The following FRMD3 variants were observed in gnomAD, a reference collection of about 807,000 sequenced individuals.
The protein encoded by FRMD3 is FERM domain-containing protein 3.
A neutral mutation model predicts 70.2 loss-of-function variants in FRMD3; 33 were observed. The observed-to-expected ratio is 0.47, with a 90% CI of 0.36 to 0.63. The LOEUF is 0.63. Among genes scored for constraint, FRMD3 ranks in the 20% least tolerant of loss-of-function variants. FRMD3 has a pLI of 0.00. For synonymous variants in FRMD3, 279 were observed against 255.9 expected (o/e 1.09, Z -0.86); for missense variants, 632 against 711.4 (o/e 0.89, Z 1.27).
chr9:83,479,879 T>A (rs1408669726), intron 1 of FRMD3, among the ~76,000 whole-genome samples: 1 of 151,540 alleles, frequency 6.6e-6, no homozygotes, highest in African/African-American at 2.4e-5. Context: ...AAAATGTAAG[T>A]CAAGGCCACA....
chr9:83,565,306 C>A, the FRMD3 span, among the ~76,000 whole-genome samples: 1 of 152,096 alleles, frequency 6.6e-6, no homozygotes, highest in Non-Finnish European at 1.5e-5. Flanking sequence ...ATCTCAAGCA[C>A]GTAAGACTTA....
At chr9:83,327,889 C>T (rs1836082513) in intron 6 of FRMD3, among the ~76,000 whole-genome samples, 1 of 152,152 alleles carries the variant, frequency 6.6e-6, no homozygotes, top group Admixed American at 6.5e-5. Context: ...CCCAGTCTGT[C>T]ATTTCCAATC....
intron 2 of FRMD3, among the ~76,000 whole-genome samples, chr9:83,376,935 GCACCC>G (rs1825166718): frequency 6.9e-6 from 1 of 143,980 alleles, no homozygotes; most frequent in Non-Finnish European, 1.5e-5. Context: ...TGCCCAACCG[GCACCC>G]GTTATTAAGA....
At chr9:83,285,314 T>C (rs1264625180) in intron 13 of FRMD3, among the ~76,000 whole-genome samples, 1 of 152,198 alleles carries the variant, frequency 6.6e-6, no homozygotes, top group East Asian at 1.9e-4. Flanking sequence ...GAGTTAGTTT[T>C]ACCATTCTCT....
chr9:83,313,855 C>A (rs1255653275), intron 6 of FRMD3, 108 bp from the exon 7 acceptor site: 1 of 807,408 alleles, frequency 1.2e-6, no homozygotes, highest in East Asian at 2.5e-5. Context: ...AAGAGAAAAA[C>A]CCTTACATAA....
intron 1 of FRMD3, among the ~76,000 whole-genome samples, chr9:83,531,846 C>A (rs1258288591): frequency 6.6e-6 from 1 of 152,178 alleles, no homozygotes. Flanking sequence ...GCCATCTCAA[C>A]AACACAGTGG....
chr9:83,365,782 G>A (rs1824765830), intron 3 of FRMD3, among the ~76,000 whole-genome samples: 1 of 152,188 alleles, frequency 6.6e-6, no homozygotes, highest in Non-Finnish European at 1.5e-5. Context: ...GGTGTGTTTA[G>A]GCAGAGAGGA....
chr9:83,403,411 G>A (rs1011477811), intron 1 of FRMD3, among the ~76,000 whole-genome samples: 1 of 152,154 alleles, frequency 6.6e-6, no homozygotes, highest in Non-Finnish European at 1.5e-5. Flanking sequence ...GCTTGAAACT[G>A]CTGGGATAAT....
intron 1 of FRMD3, among the ~76,000 whole-genome samples, chr9:83,492,006 C>T (rs1203607039): frequency 6.6e-6 from 1 of 152,176 alleles, no homozygotes; most frequent in Non-Finnish European, 1.5e-5. Context: ...TTGTTATCTA[C>T]TCTTGTCTTT....
intron 1 of FRMD3, among the ~76,000 whole-genome samples, chr9:83,489,387 G>A (rs12352407): frequency 0.15 from 23,298 of 151,996 alleles, 2,062 homozygotes; most frequent in East Asian, 0.33. Context: ...TGGAATCTAT[G>A]AGGAACTTAA....
intron 1 of FRMD3, among the ~76,000 whole-genome samples, chr9:83,474,035 G>A (rs1471586137): frequency 6.6e-6 from 1 of 151,988 alleles, no homozygotes; most frequent in Non-Finnish European, 1.5e-5. Context: ...TGAGAAAAGG[G>A]GACACAAAAC....
chr9:83,283,391 C>A lies in FRMD3; in HGVS notation c.1195+7212G>T, dbSNP rs899484956. On this transcript the variant is annotated intron_variant, in intron 13 of 13. Coordinates refer to ENST00000304195, the MANE Select transcript of FRMD3 (RefSeq NM_174938.6). Reference sequence around the variant, plus strand: ...AAAAAATACAAAAAAATTAGCCAGGCGTGGTGGCGGGTGACTGTAATCCCA... The same window carrying A: ...AAAAAATACAAAAAAATTAGCCAGGAGTGGTGGCGGGTGACTGTAATCCCA... Among the ~76,000 whole-genome samples the A allele has an allele frequency of 3.8e-4, 57 of 151,846 alleles. 1 individual carries two copies. The highest frequency in any genetic ancestry group is 2.9e-5 in the Non-Finnish European group (2 of 67,964).
At chr9:83,366,423 G>C (rs947518950) in intron 3 of FRMD3, among the ~76,000 whole-genome samples, 1 of 151,930 alleles carries the variant, frequency 6.6e-6, no homozygotes, top group Non-Finnish European at 1.5e-5. Flanking sequence ...ATACAAAAAA[G>C]TTATCCAGGC....
At chr9:83,508,985 A>C (rs1587497010) in intron 1 of FRMD3, among the ~76,000 whole-genome samples, 1 of 143,466 alleles carries the variant, frequency 7.0e-6, no homozygotes, top group African/African-American at 2.6e-5. Flanking sequence ...AACTGGAATC[A>C]CCCCCAATGC....
At chr9:83,442,984 T>G (rs1436426631) in intron 1 of FRMD3, among the ~76,000 whole-genome samples, 1 of 152,218 alleles carries the variant, frequency 6.6e-6, no homozygotes, top group Non-Finnish European at 1.5e-5. Flanking sequence ...TATGGAGATA[T>G]GAATGTCAAC....
chr9:83,546,889 T>TGAAAAAAAAAAAAA, the FRMD3 span, among the ~76,000 whole-genome samples: 1 of 7,514 alleles, frequency 1.3e-4, no homozygotes, highest in African/African-American at 3.0e-4. Context: ...AGACTCTGTC[T>TGAAAAAAAAAAAAA]CAAAAAAAAA....
At chr9:83,311,800 C>T (rs1274127868) in intron 8 of FRMD3, 87 bp downstream of exon 8, 22 of 909,576 alleles carry the variant, frequency 2.4e-5, no homozygotes, top group Non-Finnish European at 3.8e-5. Flanking sequence ...AGGCATTCTA[C>T]CTGACACTTG....
rs563311228 is a variant in FRMD3 at position 83,399,752 on chromosome 9, GAAAT to G, written c.148-10048_148-10045del. 2.2e-3 allele frequency among the ~76,000 whole-genome samples: 333 copies of G among 152,182 alleles called. 3 individuals are homozygous for G. The highest frequency in any genetic ancestry group is 3.1e-3 in the Non-Finnish European group (209 of 67,966). On this transcript the variant is annotated intron_variant, in intron 1 of 13. Coordinates refer to ENST00000304195, the MANE Select transcript of FRMD3 (RefSeq NM_174938.6). ...AACCACATTTTTTAATTGTTAAAAA[GAAAT>G]AAATAACTTCCTCAACTTGATAAAG...
chr9:83,564,862 C>A, the FRMD3 span, among the ~76,000 whole-genome samples: 1 of 152,164 alleles, frequency 6.6e-6, no homozygotes, highest in African/African-American at 2.4e-5. Flanking sequence ...TGCTTTTTAA[C>A]CCCAGGAGGC....
Sources: gnomAD v4.1 joint callset for allele counts (sites outside exome capture counted in the v4.1 genomes callset) on GRCh38, gnomAD v4.1.1 for gene constraint, MANE v1.5 for transcripts, NCBI Gene and HGNC (gene_info 2026-07-23, HGNC 2026-07-21) for gene names.